The following PIBF1 variants were observed in gnomAD, a reference collection of about 807,000 sequenced individuals.
PIBF1 encodes the protein progesterone immunomodulatory binding factor 1.
In PIBF1, 90 loss-of-function variants were observed where a neutral mutation model predicts 112.5. The ratio of observed to expected loss-of-function variants is 0.80; its 90% CI spans 0.67 to 0.95. The LOEUF (loss-of-function observed/expected upper bound fraction) is 0.95, where lower values mean the gene tolerates loss of function less well. PIBF1 is among the 40% of genes least tolerant of loss of function. The probability of loss-of-function intolerance (pLI) is 0.00; values close to 1 mark genes in which losing one functional copy is unlikely to be tolerated. For synonymous variants in PIBF1, 301 were observed against 288.6 expected, an observed-to-expected ratio of 1.04 and a Z score of -0.44; for missense variants, 915 against 852.3, an observed-to-expected ratio of 1.07 and a Z score of -0.92.
chr13:72,920,439 A>G (rs2041248273), intron 13 of PIBF1, among the ~76,000 whole-genome samples: 1 of 152,240 alleles, frequency 6.6e-6, no homozygotes, highest in South Asian at 2.1e-4. Flanking sequence ...CTGTATGCAC[A>G]AAATTGATCA....
intron 6 of PIBF1, among the ~76,000 whole-genome samples, chr13:72,823,402 A>G (rs548132940): frequency 2.6e-5 from 4 of 152,320 alleles, no homozygotes; most frequent in Non-Finnish European, 2.9e-5. Context: ...AAAGAAAAAT[A>G]TAACCTTGAT....
chr13:72,835,823 G>A (rs974293387), intron 9 of PIBF1, among the ~76,000 whole-genome samples: 9 of 152,004 alleles, frequency 5.9e-5, no homozygotes, highest in African/African-American at 2.2e-4. Flanking sequence ...TTTTTGGCTG[G>A]GCGTGGTGGC....
chr13:72,899,427 G>A (rs999141223), intron 11 of PIBF1, among the ~76,000 whole-genome samples: 9 of 152,260 alleles, frequency 5.9e-5, no homozygotes, highest in Non-Finnish European at 1.0e-4. Flanking sequence ...AATCCATCAC[G>A]ACCAAGTAGG....
At chr13:72,930,016 T>G (rs1389674067) in intron 13 of PIBF1, among the ~76,000 whole-genome samples, 1 of 152,058 alleles carries the variant, frequency 6.6e-6, no homozygotes, top group Non-Finnish European at 1.5e-5. Context: ...TGCACCATCA[T>G]GCCCAGCTAA....
At chr13:72,893,995 T>G (rs745560979) in intron 11 of PIBF1, 46 bp downstream of exon 11, 1 of 1,034,876 alleles carries the variant, frequency 9.7e-7, no homozygotes, top group Non-Finnish European at 1.3e-6. Context: ...GCATGTAAAC[T>G]CCCTAAGTAC....
intron 5 of PIBF1, among the ~76,000 whole-genome samples, chr13:72,820,280 A>G (rs2138115187): frequency 6.6e-6 from 1 of 152,256 alleles, no homozygotes; most frequent in East Asian, 1.9e-4. Flanking sequence ...TCCTAGCCAT[A>G]ACACTATACT....
intron 13 of PIBF1, among the ~76,000 whole-genome samples, chr13:72,930,560 G>A (rs1387847710): frequency 6.6e-6 from 1 of 152,078 alleles, no homozygotes; most frequent in Non-Finnish European, 1.5e-5. Context: ...AAATACTAAA[G>A]GTCAGTGCAA....
intron 17 of PIBF1, among the ~76,000 whole-genome samples, chr13:73,012,465 C>T (rs540120137): frequency 1.6e-3 from 241 of 151,976 alleles, no homozygotes; most frequent in Non-Finnish European, 2.8e-3. Flanking sequence ...GTGGTTCATG[C>T]CTATAATCCC....
chr13:73,012,009 C>A (rs2044218368), intron 17 of PIBF1, among the ~76,000 whole-genome samples: 1 of 151,934 alleles, frequency 6.6e-6, no homozygotes, highest in Non-Finnish European at 1.5e-5. Flanking sequence ...TAAGAAAGAA[C>A]CCCCCCAAAA....
chr13:72,794,439 G>A (rs1219990895), intron 3 of PIBF1, among the ~76,000 whole-genome samples: 2 of 152,110 alleles, frequency 1.3e-5, no homozygotes, highest in South Asian at 4.2e-4. Flanking sequence ...TAATGGGATT[G>A]ATATAGTAGG....
At chr13:72,927,946 T>TATATATATATATATATAC (rs1566457539) in intron 13 of PIBF1, among the ~76,000 whole-genome samples, 11 of 56,680 alleles carry the variant, frequency 1.9e-4, no homozygotes, top group African/African-American at 1.3e-3. Flanking sequence ...TATATGTGTG[T>TATATATATATATATATAC]ATATATATAT....
intron 4 of PIBF1, among the ~76,000 whole-genome samples, chr13:72,797,167 A>G (rs1167820949): frequency 6.6e-6 from 1 of 152,184 alleles, no homozygotes; most frequent in East Asian, 1.9e-4. Flanking sequence ...CATTCTGATT[A>G]GACTTCCACT....
At chr13:72,981,572 G>A (rs558078377) in intron 16 of PIBF1, among the ~76,000 whole-genome samples, 2 of 152,092 alleles carry the variant, frequency 1.3e-5, no homozygotes, top group African/African-American at 2.4e-5. Context: ...TCTAATGGAT[G>A]TTTTCTAATA....
chr13:72,998,144 A>G (rs974303123), intron 16 of PIBF1, among the ~76,000 whole-genome samples: 1 of 152,212 alleles, frequency 6.6e-6, no homozygotes, highest in Non-Finnish European at 1.5e-5. Context: ...CCATCTTTAT[A>G]TAAGAATTCA....
chr13:72,912,073 C>T (rs946660625), intron 12 of PIBF1, among the ~76,000 whole-genome samples: 1 of 151,968 alleles, frequency 6.6e-6, no homozygotes, highest in African/African-American at 2.4e-5. Context: ...GAAAGATGTC[C>T]ATGTCCTCAT....
chr13:72,882,356 G>A (rs1463235902), intron 10 of PIBF1, among the ~76,000 whole-genome samples: 3 of 152,102 alleles, frequency 2.0e-5, no homozygotes, highest in East Asian at 3.9e-4. Flanking sequence ...TTGGAGAAAC[G>A]CTCTAGGACA....
intron 8 of PIBF1, among the ~76,000 whole-genome samples, chr13:72,833,100 G>A (rs959633546): frequency 3.3e-4 from 50 of 152,218 alleles, no homozygotes; most frequent in South Asian, 2.3e-3. Context: ...TTCTCATGCT[G>A]TGTTTTTCAG....
intron 16 of PIBF1, among the ~76,000 whole-genome samples, chr13:72,994,391 G>A (rs1411236420): frequency 6.6e-6 from 1 of 152,122 alleles, no homozygotes; most frequent in African/African-American, 2.4e-5. Flanking sequence ...AATATTTGTT[G>A]GAAAGTTGAA....
In PIBF1 at chr13:72,894,670, T is replaced by C. The variant is rs1471206890; in HGVS notation, c.1488+721T>C. On this transcript the variant is annotated intron_variant, in intron 11 of 17. Coordinates refer to ENST00000326291, the MANE Select transcript of PIBF1 (RefSeq NM_006346.4). ...TAATCATTTGAATATTTAGAGAAAA[T>C]AGTTGACTCAATACCTCATACCGTA... 2.0e-5 allele frequency among the ~76,000 whole-genome samples: 3 copies of C among 150,556 alleles called. No homozygotes were observed. In the East Asian group the frequency reaches 5.8e-4, roughly 29 times the overall value.
Sources: allele counts gnomAD v4.1 joint callset (sites outside exome capture counted in the v4.1 genomes callset), GRCh38; gene constraint gnomAD v4.1.1; transcripts MANE v1.5; gene names NCBI Gene and HGNC (gene_info 2026-07-23, HGNC 2026-07-21).